ATP10B: variants seen among roughly 807,000 people sequenced by gnomAD.
ATP10B encodes ATPase phospholipid transporting 10B (putative), also known as phospholipid-transporting ATPase VB.
In ATP10B, 122 loss-of-function variants were observed where a neutral mutation model predicts 141.2. The ratio of observed to expected loss-of-function variants is 0.86; its 90% CI spans 0.75 to 1.00. The LOEUF is 1.00. ATP10B is among the 50% of genes least tolerant of loss of function. ATP10B has a pLI of 0.00. For missense variants in ATP10B, 1,876 were observed against 1,825.3 expected (o/e 1.03, Z -0.51); for synonymous variants, 685 against 692.0 (o/e 0.99, Z 0.16).
At chr5:160,912,979 C>G in the ATP10B span, among the ~76,000 whole-genome samples, 1 of 152,238 alleles carries the variant, frequency 6.6e-6, no homozygotes, top group Non-Finnish European at 1.5e-5. Flanking sequence ...AGAGGACATG[C>G]TGGCCATGAC....
chr5:160,791,640 A>G (rs1178366513), intron 1 of ATP10B, among the ~76,000 whole-genome samples: 1 of 152,142 alleles, frequency 6.6e-6, no homozygotes, highest in Non-Finnish European at 1.5e-5. Context: ...TCACACCTCA[A>G]TTACAGGCAG....
At chr5:160,735,962 T>A (rs1767088277) in intron 2 of ATP10B, among the ~76,000 whole-genome samples, 1 of 151,970 alleles carries the variant, frequency 6.6e-6, no homozygotes. Context: ...AAACACAACA[T>A]ACCAAAACCT....
chr5:160,904,219 C>T, the ATP10B span, among the ~76,000 whole-genome samples: 18 of 152,164 alleles, frequency 1.2e-4, no homozygotes, highest in Non-Finnish European at 1.9e-4. Context: ...CATTGTTAGT[C>T]TAGTGGTTGA....
chr5:160,849,708 A>T (rs1213777928), intron 1 of ATP10B, among the ~76,000 whole-genome samples: 1 of 152,086 alleles, frequency 6.6e-6, no homozygotes, highest in Non-Finnish European at 1.5e-5. Context: ...AGGAAGCAGA[A>T]CTGTAATTCA....
At chr5:160,824,684 G>A (rs1774439522) in intron 1 of ATP10B, among the ~76,000 whole-genome samples, 1 of 150,556 alleles carries the variant, frequency 6.6e-6, no homozygotes, top group Non-Finnish European at 1.5e-5. Context: ...GTAACATAAT[G>A]GTTAAGTGTT....
chr5:160,829,212 A>AT (rs1216576041), intron 1 of ATP10B, among the ~76,000 whole-genome samples: 5 of 127,376 alleles, frequency 3.9e-5, no homozygotes, highest in African/African-American at 1.3e-4. Flanking sequence ...TATAATAATA[A>AT]AAAAAAAAGC....
In ATP10B at chr5:160,785,819, C is replaced by T; in HGVS notation, c.-575-16G>A. The T allele has an allele frequency of 2.4e-6, 1 of 408,178 alleles. No individual in the cohort carries two copies. The highest frequency in any genetic ancestry group is 4.0e-6 in the Non-Finnish European group (1 of 247,940). 25.3% of individuals were successfully genotyped at this position (408,178 alleles called of 1,614,324 possible). A position where few individuals can be genotyped will look rare whatever the true frequency, so the allele number is the denominator to read the frequency against. ...CAAAGGAAGCCTGCACGACACAGGA[C>T]AGAAAAGAAATACAAAATATACAAT... On this transcript the variant is annotated splice_polypyrimidine_tract_variant and intron_variant, in intron 1 of 25. Coordinates refer to ENST00000327245, the MANE Select transcript of ATP10B (RefSeq NM_025153.3).
chr5:160,776,742 C>G (rs771228486), intron 2 of ATP10B, among the ~76,000 whole-genome samples: 1 of 152,314 alleles, frequency 6.6e-6, no homozygotes, highest in South Asian at 2.1e-4. Context: ...AAGGTTCAGT[C>G]AGCCTAGTCA....
intron 1 of ATP10B, among the ~76,000 whole-genome samples, chr5:160,794,726 C>T (rs1259295917): frequency 6.6e-6 from 1 of 152,162 alleles, no homozygotes; most frequent in Non-Finnish European, 1.5e-5. Flanking sequence ...AATGAAATGC[C>T]TTCTCCAGCC....
the ATP10B span, among the ~76,000 whole-genome samples, chr5:160,912,855 G>C: frequency 1.5e-4 from 23 of 152,274 alleles, no homozygotes; most frequent in Admixed American, 4.6e-4. Flanking sequence ...CTCCAGAATA[G>C]ATTTCATGTA....
In ATP10B at chr5:160,647,981, T is replaced by A. The variant is rs1760414206; in HGVS notation, c.761+1190A>T. On this transcript the variant is annotated intron_variant, in intron 8 of 25. Coordinates refer to ENST00000327245, the MANE Select transcript of ATP10B (RefSeq NM_025153.3). ...TTCAGGGAGCTGCAGGCCCTATTGG[T>A]GGAGAAATTGGTGTAACATGGCTGA... 2.0e-5 allele frequency among the ~76,000 whole-genome samples: 3 copies of A among 152,192 alleles called. No homozygotes were observed. The South Asian group carries it at 6.2e-4, about 32-fold the overall frequency.
At chr5:160,776,125 G>A (rs775041789) in intron 2 of ATP10B, among the ~76,000 whole-genome samples, 28 of 152,142 alleles carry the variant, frequency 1.8e-4, no homozygotes, top group Non-Finnish European at 3.4e-4. Context: ...TGGATGGCAG[G>A]CATGTCAAGG....
intron 6 of ATP10B, among the ~76,000 whole-genome samples, chr5:160,681,592 G>A (rs904013880): frequency 2.0e-5 from 3 of 152,096 alleles, no homozygotes; most frequent in Non-Finnish European, 4.4e-5. Flanking sequence ...CCTGGGCAAC[G>A]TACCAAGACC....
intron 24 of ATP10B, among the ~76,000 whole-genome samples, chr5:160,580,146 C>G (rs1476443733): frequency 2.6e-5 from 4 of 152,144 alleles, no homozygotes; most frequent in Admixed American, 6.5e-5. Context: ...TTTGAATACC[C>G]TTTATTTCTT....
At chr5:160,609,819 T>C (rs1037441176) in intron 18 of ATP10B, among the ~76,000 whole-genome samples, 1 of 152,230 alleles carries the variant, frequency 6.6e-6, no homozygotes, top group African/African-American at 2.4e-5. Flanking sequence ...TAGGAGTGTA[T>C]GCTTATACCA....
rs1038738398 is a variant in ATP10B, at chr5:160,717,031, A to G, written c.-327T>C. On this transcript the variant is annotated 5_prime_UTR_variant, in exon 3 of 26. Coordinates refer to ENST00000327245, the MANE Select transcript of ATP10B (RefSeq NM_025153.3). Reference sequence around the variant, plus strand: ...AAATTGTTGATCAGAATAAATTGCAAGTTCTGTAAGCAAGAAAAGAAAATA... The same window carrying G: ...AAATTGTTGATCAGAATAAATTGCAGGTTCTGTAAGCAAGAAAAGAAAATA... The G allele has an allele frequency of 2.0e-6, 2 of 985,308 alleles. No homozygotes were observed. The highest frequency in any genetic ancestry group is 2.4e-6 in the Non-Finnish European group (2 of 829,916). The allele number at this position is 985,308 out of a possible 1,614,324, so 61.0% of individuals were successfully genotyped here.
At chr5:160,924,111 C>G in the ATP10B span, among the ~76,000 whole-genome samples, 371 of 152,310 alleles carry the variant, frequency 2.4e-3, 2 homozygotes, top group African/African-American at 8.4e-3. Context: ...GCTGCAAGGA[C>G]TCAGGAAAAC....
At chr5:160,628,982 G>A (rs561657480) in intron 13 of ATP10B, among the ~76,000 whole-genome samples, 9 of 151,874 alleles carry the variant, frequency 5.9e-5, no homozygotes, top group Middle Eastern at 6.8e-3. Context: ...TGTTTTTGTC[G>A]ATTGTTATTT....
At chr5:160,928,187 T>C in the ATP10B span, among the ~76,000 whole-genome samples, 1 of 152,202 alleles carries the variant, frequency 6.6e-6, no homozygotes, top group Non-Finnish European at 1.5e-5. Flanking sequence ...CCTTTTTTTA[T>C]TGACTGCTCT....
Sources: allele counts gnomAD v4.1 joint callset (sites outside exome capture counted in the v4.1 genomes callset), GRCh38; gene constraint gnomAD v4.1.1; transcripts MANE v1.5; gene names NCBI Gene and HGNC (gene_info 2026-07-23, HGNC 2026-07-21).